Variants in C9orf85 observed in about 807,000 individuals in gnomAD.
C9orf85 encodes uncharacterized protein C9orf85.
A neutral mutation model predicts 14.9 loss-of-function variants in C9orf85; 16 were observed. That is an observed-to-expected ratio of 1.08 (90% CI 0.73 to 1.63). The LOEUF is 1.63. Ranked by LOEUF, C9orf85 falls within the 40% of genes most tolerant of loss-of-function variation. The pLI, the probability that C9orf85 is intolerant of heterozygous loss-of-function variation, is 0.00. For synonymous variants in C9orf85, 45 were observed against 56.8 expected (o/e 0.79, Z 0.93); for missense variants, 172 against 186.1 (o/e 0.92, Z 0.44).
intron 1 of C9orf85, among the ~76,000 whole-genome samples, chr9:71,919,462 T>C (rs1217044056): frequency 6.6e-6 from 1 of 152,266 alleles, no homozygotes; most frequent in African/African-American, 2.4e-5. Context: ...TCTAGTGTTA[T>C]AGAGGTCACC....
At chr9:71,922,622 A>G (rs1185680940) in intron 1 of C9orf85, among the ~76,000 whole-genome samples, 1 of 152,010 alleles carries the variant, frequency 6.6e-6, no homozygotes, top group Non-Finnish European at 1.5e-5. Context: ...AGACTACTAT[A>G]CTCTCCAGAT....
rs540028628 is a variant in C9orf85 at position 71,980,385 on chromosome 9, A to G, written c.324-2272A>G. ...TATGAAGAAAAATCATAACATGGGA[A>G]CAATGACCTAAATAACTGAAAAAGG... On this transcript the variant is annotated intron_variant, in intron 3 of 3. Transcript: ENST00000377031. Among the ~76,000 whole-genome samples the G allele has an allele frequency of 8.5e-5, 13 of 152,284 alleles. No individual in the cohort carries two copies. The South Asian group carries it at 2.7e-3, about 32-fold the overall frequency.
chr9:71,934,343 CAAAA>C (rs1375640784), intron 1 of C9orf85, among the ~76,000 whole-genome samples: 1 of 151,932 alleles, frequency 6.6e-6, no homozygotes, highest in Non-Finnish European at 1.5e-5. Context: ...AACAAACAAA[CAAAA>C]AATCCTTACC....
chr9:71,918,801 C>G (rs1589244264), intron 1 of C9orf85, among the ~76,000 whole-genome samples: 1 of 152,126 alleles, frequency 6.6e-6, no homozygotes, highest in Non-Finnish European at 1.5e-5. Flanking sequence ...AAAGCTAGGG[C>G]TCCCAATGAT....
intron 1 of C9orf85, among the ~76,000 whole-genome samples, chr9:71,946,275 A>G (rs1296800870): frequency 6.6e-6 from 1 of 152,164 alleles, no homozygotes; most frequent in African/African-American, 2.4e-5. Flanking sequence ...GTTCTCTTCA[A>G]CAAACTGACA....
intron 1 of C9orf85, among the ~76,000 whole-genome samples, chr9:71,931,600 T>G (rs1828071106): frequency 6.6e-6 from 1 of 152,154 alleles, no homozygotes; most frequent in South Asian, 2.1e-4. Flanking sequence ...GGTTGTAATA[T>G]TTGGTAGATG....
chr9:71,980,137 C>T (rs937194243), intron 3 of C9orf85, among the ~76,000 whole-genome samples: 1 of 151,788 alleles, frequency 6.6e-6, no homozygotes, highest in African/African-American at 2.4e-5. Flanking sequence ...CCTCAGCCTT[C>T]AGGGTAGCTA....
intron 2 of C9orf85, among the ~76,000 whole-genome samples, chr9:71,965,335 G>A (rs1313313776): frequency 6.6e-6 from 1 of 152,146 alleles, no homozygotes; most frequent in Non-Finnish European, 1.5e-5. Context: ...TGTGAGTTTA[G>A]TTGCAAGCCT....
At chr9:71,914,047 G>C (rs1360422259) in intron 1 of C9orf85, among the ~76,000 whole-genome samples, 2 of 152,158 alleles carry the variant, frequency 1.3e-5, no homozygotes, top group Non-Finnish European at 2.9e-5. Context: ...GTAATGAATA[G>C]CTAATAATTG....
In C9orf85 at chr9:71,950,033, C is replaced by A. The variant is rs117700773; in HGVS notation, c.209+2921C>A. ...GTAGCATGTTCTGAATCCCATCAGT[C>A]TAAACATATTACTTAGGAGGTTACT... On this transcript the variant is annotated intron_variant, in intron 2 of 3. Transcript: ENST00000334731. Among the ~76,000 whole-genome samples the A allele has an allele frequency of 5.5e-3, 839 of 152,234 alleles. 4 individuals carry two copies. The highest frequency in any genetic ancestry group is 0.01 in the Admixed American group (156 of 15,282).
At chr9:71,915,170 A>AATTATT (rs201135126) in intron 1 of C9orf85, among the ~76,000 whole-genome samples, 1 of 139,398 alleles carries the variant, frequency 7.2e-6, no homozygotes, top group Non-Finnish European at 1.5e-5. Flanking sequence ...TCATTACAAA[A>AATTATT]ATTATTATTA....
At chr9:71,968,119 G>GAGAGAGAT in intron 2 of C9orf85, among the ~76,000 whole-genome samples, 1 of 148,228 alleles carries the variant, frequency 6.7e-6, no homozygotes. Flanking sequence ...GAGAGAGAGA[G>GAGAGAGAT]TGCATGCAAG....
At position 71,911,651 on chromosome 9, in the gene C9orf85, G is replaced by T. The variant is rs147893193; in HGVS notation, c.-84G>T. On this transcript the variant is annotated 5_prime_UTR_variant, in exon 1 of 4. Coordinates refer to ENST00000334731, the MANE Select transcript of C9orf85 (RefSeq NM_182505.5). ...TTTCTTCCGGGTCATTGACAGAAGCGTCAATTCCTGGGAGTAGTTCGTTGG... is the reference window on the plus strand; with the variant it reads ...TTTCTTCCGGGTCATTGACAGAAGCTTCAATTCCTGGGAGTAGTTCGTTGG... 9.4e-3 allele frequency: 11,182 copies of T among 1,185,404 alleles called. 77 individuals carry two copies. The highest frequency in any genetic ancestry group is 0.012 in the Non-Finnish European group (9,613 of 791,730). The allele number at this position is 1,185,404 out of a possible 1,614,324, so 73.4% of individuals were successfully genotyped here.
At chr9:71,950,038 C>T (rs1822205558) in intron 2 of C9orf85, among the ~76,000 whole-genome samples, 1 of 152,146 alleles carries the variant, frequency 6.6e-6, no homozygotes, top group Admixed American at 6.6e-5. Flanking sequence ...TCAGTCTAAA[C>T]ATATTACTTA....
chr9:71,956,652 G>T (rs774456552), intron 2 of C9orf85, among the ~76,000 whole-genome samples: 3 of 152,020 alleles, frequency 2.0e-5, no homozygotes, highest in Non-Finnish European at 2.9e-5. Context: ...ATGCTCAAAG[G>T]CTATGTTTAT....
intron 1 of C9orf85, among the ~76,000 whole-genome samples, chr9:71,927,223 G>A (rs114927922): frequency 0.021 from 3,144 of 146,990 alleles, 109 homozygotes; most frequent in African/African-American, 0.073. Flanking sequence ...GCTATGGCTC[G>A]CTCATATGTC....
chr9:71,970,616 T>A (rs1822834177), intron 2 of C9orf85, among the ~76,000 whole-genome samples: 1 of 152,174 alleles, frequency 6.6e-6, no homozygotes, highest in Non-Finnish European at 1.5e-5. Flanking sequence ...TTGTAGTGTG[T>A]TTTGAAATCA....
intron 1 of C9orf85, among the ~76,000 whole-genome samples, chr9:71,946,704 T>G (rs1589258974): frequency 6.6e-6 from 1 of 150,704 alleles, no homozygotes; most frequent in Admixed American, 6.6e-5. Flanking sequence ...GAGGCAGGAG[T>G]ATTGCTTGAG....
At chr9:71,921,738 A>G (rs1462583050) in intron 1 of C9orf85, among the ~76,000 whole-genome samples, 2 of 152,168 alleles carry the variant, frequency 1.3e-5, no homozygotes, top group African/African-American at 2.4e-5. Flanking sequence ...TGGTTTACAA[A>G]TGAAGTAAAT....
Sources: gnomAD v4.1 joint callset for allele counts (sites outside exome capture counted in the v4.1 genomes callset) on GRCh38, gnomAD v4.1.1 for gene constraint, MANE v1.5 for transcripts, NCBI Gene and HGNC (gene_info 2026-07-23, HGNC 2026-07-21) for gene names.